The following TMEM178B variants were observed in gnomAD, a reference collection of about 807,000 sequenced individuals.
The protein encoded by TMEM178B is transmembrane protein 178B.
In TMEM178B, 5 loss-of-function variants were observed where a neutral mutation model predicts 31.0. The observed-to-expected ratio is 0.16, with a 90% CI of 0.08 to 0.34. The LOEUF is 0.34. TMEM178B is among the 10% of genes least tolerant of loss of function. The pLI is 1.00. For synonymous variants in TMEM178B, 164 were observed against 164.0 expected (o/e 1.00, Z 0.00); for missense variants, 275 against 400.3 (o/e 0.69, Z 2.67).
intron 2 of TMEM178B, among the ~76,000 whole-genome samples, chr7:141,417,813 T>C (rs1158444521): frequency 6.6e-6 from 1 of 152,224 alleles, no homozygotes; most frequent in East Asian, 1.9e-4. Context: ...CTAAGTAATA[T>C]GCAAGTATAA....
At chr7:141,409,225 T>C (rs1800938582) in intron 2 of TMEM178B, among the ~76,000 whole-genome samples, 1 of 152,222 alleles carries the variant, frequency 6.6e-6, no homozygotes, top group South Asian at 2.1e-4. Flanking sequence ...AAAGGGCCTG[T>C]GGGAGAAATG....
intron 1 of TMEM178B, among the ~76,000 whole-genome samples, chr7:141,129,373 A>T (rs964459958): frequency 6.6e-6 from 1 of 152,140 alleles, no homozygotes; most frequent in Non-Finnish European, 1.5e-5. Flanking sequence ...ATTAGTTAGA[A>T]ATTTTTATAT....
intron 1 of TMEM178B, among the ~76,000 whole-genome samples, chr7:141,164,039 T>A (rs536477298): frequency 4.6e-5 from 7 of 152,220 alleles, no homozygotes; most frequent in African/African-American, 1.7e-4. Context: ...TTTCCCTGGG[T>A]TTTTAGGTTA....
chr7:141,365,803 ACCTGACAT>A (rs1799994358), intron 2 of TMEM178B, among the ~76,000 whole-genome samples: 1 of 152,202 alleles, frequency 6.6e-6, no homozygotes, highest in Non-Finnish European at 1.5e-5. Flanking sequence ...ACCTCGTCTT[ACCTGACAT>A]CCTAATTACC....
At chr7:141,286,257 A>C (rs1798446519) in intron 2 of TMEM178B, among the ~76,000 whole-genome samples, 1 of 152,234 alleles carries the variant, frequency 6.6e-6, no homozygotes, top group Admixed American at 6.5e-5. Context: ...GAATATTAGC[A>C]AAGAAAGGAG....
intron 2 of TMEM178B, among the ~76,000 whole-genome samples, chr7:141,425,802 A>G (rs889509508): frequency 6.6e-6 from 1 of 152,158 alleles, no homozygotes; most frequent in Non-Finnish European, 1.5e-5. Flanking sequence ...CTCATATAAT[A>G]TCCCTATTTA....
At chr7:141,088,887 G>A (rs772757384) in intron 1 of TMEM178B, among the ~76,000 whole-genome samples, 101 of 152,262 alleles carry the variant, frequency 6.6e-4, no homozygotes, top group Non-Finnish European at 1.2e-3. Flanking sequence ...TCACATCATT[G>A]TTCCTTTTAA....
Position 141,347,147 on chromosome 7 carries a change from T to C in TMEM178B, c.497-90461T>C, listed in dbSNP as rs144473891. ...GTAAGTCTGCAGAACTGTGAGTCGA[T>C]GACAACTCTTTTCTTCATAAATTAT... is the stretch of plus-strand genomic sequence containing the variant. On this transcript the variant is annotated intron_variant, in intron 2 of 3. Coordinates refer to ENST00000565468, the MANE Select transcript of TMEM178B (RefSeq NM_001195278.2). Among the ~76,000 whole-genome samples the C allele has an allele frequency of 4.6e-5, 7 of 152,362 alleles. No homozygotes were observed. The East Asian group carries it at 1.3e-3, about 29-fold the overall frequency.
Position 141,325,449 on chromosome 7 carries a change from C to T in TMEM178B, c.497-112159C>T, listed in dbSNP as rs573758713. Among the ~76,000 whole-genome samples, 8 of 152,294 alleles carry T rather than the reference C, an allele frequency of 5.3e-5. No homozygotes were observed. In the South Asian group the frequency reaches 1.7e-3, roughly 32 times the overall value. On this transcript the variant is annotated intron_variant, in intron 2 of 3. Transcript: ENST00000565468. ...CCACAACAAGGGTATCCCCAGGATA[C>T]TCATTCTCCCACTGTCCCCCAGGGA... is the stretch of plus-strand genomic sequence containing the variant.
chr7:141,275,991 T>G (rs73517628), intron 2 of TMEM178B, among the ~76,000 whole-genome samples: 4,489 of 152,290 alleles, frequency 0.029, 233 homozygotes, highest in African/African-American at 0.1. Context: ...CCATGACAAC[T>G]TTTATAGAGG....
At chr7:141,153,246 C>A (rs1326178433) in intron 1 of TMEM178B, among the ~76,000 whole-genome samples, 1 of 149,760 alleles carries the variant, frequency 6.7e-6, no homozygotes, top group African/African-American at 2.5e-5. Context: ...GACTGCTTTC[C>A]CCCATCTCTG....
chr7:141,167,662 C>T (rs1408622022), intron 1 of TMEM178B, among the ~76,000 whole-genome samples: 3 of 152,208 alleles, frequency 2.0e-5, no homozygotes, highest in Non-Finnish European at 4.4e-5. Flanking sequence ...TTGTCAAATG[C>T]TCAGGCCTGT....
At chr7:141,414,885 A>G (rs1801068864) in intron 2 of TMEM178B, 1 of 152,254 alleles carries the variant, frequency 6.6e-6, no homozygotes, top group South Asian at 2.1e-4. Context: ...ATTATTTGCT[A>G]CAAATCAAGC....
intron 1 of TMEM178B, among the ~76,000 whole-genome samples, chr7:141,155,902 T>C (rs1417784465): frequency 6.6e-6 from 1 of 151,980 alleles, no homozygotes; most frequent in African/African-American, 2.4e-5. Context: ...CCGTTGTTAC[T>C]AAAAATAGAA....
chr7:141,131,711 A>T (rs1007571641), intron 1 of TMEM178B, among the ~76,000 whole-genome samples: 32 of 152,130 alleles, frequency 2.1e-4, no homozygotes, highest in African/African-American at 7.5e-4. Context: ...GTTGATGGGC[A>T]TTTGGGTAGT....
chr7:141,224,942 G>C lies in TMEM178B; in HGVS notation c.496+12238G>C, dbSNP rs544231915. Among the ~76,000 whole-genome samples, 5 of 152,294 alleles carry C rather than the reference G, an allele frequency of 3.3e-5. No individual in the cohort carries two copies. In the East Asian group the frequency reaches 7.7e-4, roughly 24 times the overall value. ...AGTGACCTTGAGTATGTGGCTCTGG[G>C]TGTATGAGCAATCTCTAAAGGGATT... is the stretch of plus-strand genomic sequence containing the variant. On this transcript the variant is annotated intron_variant, in intron 2 of 3. Coordinates refer to ENST00000565468, the MANE Select transcript of TMEM178B (RefSeq NM_001195278.2).
intron 2 of TMEM178B, among the ~76,000 whole-genome samples, chr7:141,257,991 T>G (rs560655024): frequency 2.0e-5 from 3 of 151,966 alleles, no homozygotes; most frequent in Admixed American, 1.3e-4. Flanking sequence ...CTTTAAAAAT[T>G]TTCCCTGTAT....
At chr7:141,288,308 C>T (rs1175939285) in intron 2 of TMEM178B, among the ~76,000 whole-genome samples, 1 of 151,864 alleles carries the variant, frequency 6.6e-6, no homozygotes, top group Non-Finnish European at 1.5e-5. Context: ...CCATGGGATT[C>T]TACCTATTTT....
At chr7:141,450,841 G>A (rs1231050522) in intron 3 of TMEM178B, among the ~76,000 whole-genome samples, 2 of 152,166 alleles carry the variant, frequency 1.3e-5, no homozygotes, top group Non-Finnish European at 2.9e-5. Context: ...ACTAGACCCA[G>A]AGAGCCATGA....
Sources: allele counts gnomAD v4.1 joint callset (sites outside exome capture counted in the v4.1 genomes callset), GRCh38; gene constraint gnomAD v4.1.1; transcripts MANE v1.5; gene names NCBI Gene and HGNC (gene_info 2026-07-23, HGNC 2026-07-21).